CHCHD3: variants seen among roughly 807,000 people sequenced by gnomAD.
The protein encoded by CHCHD3 is MICOS complex subunit MIC19.
A neutral mutation model predicts 38.2 loss-of-function variants in CHCHD3; 20 were observed. The ratio of observed to expected loss-of-function variants is 0.52; its 90% confidence interval spans 0.37 to 0.76. The LOEUF (loss-of-function observed/expected upper bound fraction) is 0.76, where lower values mean the gene tolerates loss of function less well. Among genes scored for constraint, CHCHD3 ranks in the 30% least tolerant of loss-of-function variants. The pLI, the probability that CHCHD3 is intolerant of heterozygous loss-of-function variation, is 0.00. For missense variants in CHCHD3, 245 were observed against 279.2 expected, an observed-to-expected ratio of 0.88 and a Z score of 0.87; for synonymous variants, 82 against 100.0, an observed-to-expected ratio of 0.82 and a Z score of 1.07.
At chr7:133,039,865 C>T (rs1813782671) in intron 2 of CHCHD3, among the ~76,000 whole-genome samples, 1 of 152,178 alleles carries the variant, frequency 6.6e-6, no homozygotes, top group African/African-American at 2.4e-5. Flanking sequence ...TGTGAATGAA[C>T]AGGGTGCACG....
intron 2 of CHCHD3, among the ~76,000 whole-genome samples, chr7:133,053,173 C>T (rs910243966): frequency 1.3e-5 from 2 of 152,206 alleles, no homozygotes; most frequent in Admixed American, 6.5e-5. Flanking sequence ...CCCTGTCACT[C>T]TTGGACATCA....
intron 4 of CHCHD3, chr7:132,973,722 C>G: frequency 9.9e-7 from 1 of 1,014,790 alleles, no homozygotes; most frequent in Non-Finnish European, 1.2e-6. Context: ...CTGTTTGCAG[C>G]TGGTCATGGG....
chr7:133,046,574 G>T (rs1037753554), intron 2 of CHCHD3, among the ~76,000 whole-genome samples: 1 of 34,908 alleles, frequency 2.9e-5, no homozygotes, highest in African/African-American at 1.3e-4. Context: ...TTTTTTTGGG[G>T]GGGGGAGACG....
chr7:132,799,739 G>GA (rs1563238827), intron 6 of CHCHD3, among the ~76,000 whole-genome samples: 2 of 151,900 alleles, frequency 1.3e-5, no homozygotes, highest in African/African-American at 4.8e-5. Context: ...ACAAAAACAA[G>GA]AAAAAAAATC....
intron 2 of CHCHD3, among the ~76,000 whole-genome samples, chr7:133,052,390 A>AACC (rs1419491271): frequency 6.6e-6 from 1 of 152,204 alleles, no homozygotes; most frequent in African/African-American, 2.4e-5. Context: ...AAAAACAAAA[A>AACC]ACCACCACCA....
intron 4 of CHCHD3, among the ~76,000 whole-genome samples, chr7:132,963,475 CA>C (rs1373156712): frequency 4.0e-5 from 6 of 150,754 alleles, no homozygotes; most frequent in Non-Finnish European, 5.9e-5. Context: ...ACTAAAAATA[CA>C]AAAAAATTAG....
intron 4 of CHCHD3, among the ~76,000 whole-genome samples, chr7:132,919,100 C>T (rs867343710): frequency 4.4e-3 from 307 of 69,324 alleles, no homozygotes; most frequent in East Asian, 6.3e-3. Context: ...TGGGTTTATT[C>T]TTTTTTTTTT....
At position 132,817,207 on chromosome 7, in the gene CHCHD3, C is replaced by CT. The variant is rs200192192; in HGVS notation, c.525-20631dup. Among the ~76,000 whole-genome samples the CT allele has an allele frequency of 3.9e-3, 579 of 147,156 alleles. 2 individuals are homozygous for CT. The highest frequency in any genetic ancestry group is 0.03 in the South Asian group (136 of 4,564). The stretch of plus-strand genomic sequence containing the variant: ...TTTCCTGGGGTCCCAAGCTTTCTTT[C>CT]TTTTTTTTTTTTGGGCATTACCCAT... On this transcript the variant is annotated intron_variant, in intron 6 of 7. Transcript: ENST00000262570.
intron 6 of CHCHD3, among the ~76,000 whole-genome samples, chr7:132,805,853 A>G (rs1047249180): frequency 2.6e-5 from 4 of 152,186 alleles, no homozygotes; most frequent in Non-Finnish European, 4.4e-5. Context: ...GACTGAGAGA[A>G]TCACAGGATG....
At chr7:132,907,032 C>T (rs1286167492) in intron 4 of CHCHD3, among the ~76,000 whole-genome samples, 1 of 152,002 alleles carries the variant, frequency 6.6e-6, no homozygotes, top group Non-Finnish European at 1.5e-5. Context: ...TAAACCATAC[C>T]CTATATACAT....
chr7:132,952,249 G>A (rs968133236), intron 4 of CHCHD3, among the ~76,000 whole-genome samples: 1 of 152,170 alleles, frequency 6.6e-6, no homozygotes, highest in African/African-American at 2.4e-5. Context: ...TTAGAATGGT[G>A]TATTTTAAAA....
intron 5 of CHCHD3, among the ~76,000 whole-genome samples, chr7:132,875,411 T>G (rs1174557323): frequency 1.3e-5 from 2 of 152,228 alleles, no homozygotes; most frequent in Non-Finnish European, 2.9e-5. Context: ...GGAACTTACC[T>G]ATTTAATGTT....
In CHCHD3 at chr7:133,050,340, TAAAAAAAAA is replaced by T. The variant is rs35635002; in HGVS notation, c.169+19793_169+19801del. Among the ~76,000 whole-genome samples the T allele has an allele frequency of 5.0e-3, 160 of 31,828 alleles. 2 individuals are homozygous for T. Among genetic ancestry groups the T allele is most frequent in the African/African-American group, 0.014 (148 of 10,390 alleles). 20.9% of individuals were successfully genotyped at this position (31,828 alleles called of 152,430 possible). On this transcript the variant is annotated intron_variant, in intron 2 of 7. Coordinates refer to ENST00000262570, the MANE Select transcript of CHCHD3 (RefSeq NM_017812.4). ...CTGAGTAACAGAGGAGGCTGTGTCT[TAAAAAAAAA>T]AAAAAAAAAAAAAAAAAAAAAAAAA...
In CHCHD3 at chr7:133,024,449, C is replaced by A. The variant is rs116282669; in HGVS notation, c.251+97G>T. On this transcript the variant is annotated intron_variant, in intron 3 of 7. Coordinates refer to ENST00000262570, the MANE Select transcript of CHCHD3 (RefSeq NM_017812.4). Reference sequence around the variant, plus strand: ...CAGCACATTCTGAAGTTCAGTCATACACAAATAATGAGACTTATCACAATC... The same window carrying A: ...CAGCACATTCTGAAGTTCAGTCATAAACAAATAATGAGACTTATCACAATC... 1.6e-3 allele frequency: 1,542 copies of A among 952,056 alleles called. 17 individuals carry two copies. In the African/African-American group the frequency reaches 0.022, roughly 14 times the overall value. The allele number at this position is 952,056 out of a possible 1,614,324, so 59.0% of individuals were successfully genotyped here. A position where few individuals can be genotyped will look rare whatever the true frequency, so the allele number is the denominator to read the frequency against.
intron 6 of CHCHD3, among the ~76,000 whole-genome samples, chr7:132,814,291 C>T (rs942254976): frequency 2.0e-5 from 3 of 152,080 alleles, no homozygotes; most frequent in Admixed American, 1.3e-4. Context: ...CTAGACATGC[C>T]GGTGTTACTA....
intron 4 of CHCHD3, among the ~76,000 whole-genome samples, chr7:132,947,687 T>C (rs532916396): frequency 6.6e-6 from 1 of 152,086 alleles, no homozygotes; most frequent in South Asian, 2.1e-4. Context: ...CATTTGATAA[T>C]GTTATAATAA....
At chr7:132,806,934 G>A (rs1806935896) in intron 6 of CHCHD3, among the ~76,000 whole-genome samples, 2 of 152,212 alleles carry the variant, frequency 1.3e-5, no homozygotes, top group South Asian at 2.1e-4. Context: ...CAGACCTGGT[G>A]TGGTTAAGGA....
intron 6 of CHCHD3, among the ~76,000 whole-genome samples, chr7:132,820,117 T>C (rs1157429995): frequency 6.6e-6 from 1 of 152,184 alleles, no homozygotes; most frequent in Non-Finnish European, 1.5e-5. Context: ...ATCTTGTGGT[T>C]GCAAGGCAAG....
At chr7:133,008,655 A>T (rs1470068169) in intron 3 of CHCHD3, among the ~76,000 whole-genome samples, 1 of 152,172 alleles carries the variant, frequency 6.6e-6, no homozygotes, top group Non-Finnish European at 1.5e-5. Flanking sequence ...AAAGAATTTG[A>T]TCTTTTCTTT....
Sources: gnomAD v4.1 joint callset for allele counts (sites outside exome capture counted in the v4.1 genomes callset) on GRCh38, gnomAD v4.1.1 for gene constraint, MANE v1.5 for transcripts, NCBI Gene and HGNC (gene_info 2026-07-23, HGNC 2026-07-21) for gene names.